The following PREPL variants were observed in gnomAD, a reference collection of about 807,000 sequenced individuals.
The protein encoded by PREPL is prolyl endopeptidase like.
A neutral mutation model predicts 70.6 loss-of-function variants in PREPL; 77 were observed. That is an observed-to-expected ratio of 1.09 (90% confidence interval 0.91 to 1.32). The LOEUF is 1.32. Among genes scored for constraint, PREPL ranks in the 40% most tolerant of loss-of-function variants. PREPL has a pLI of 0.00. For missense variants in PREPL, 1,002 were observed against 778.2 expected, an observed-to-expected ratio of 1.29 and a Z score of -3.42; for synonymous variants, 315 against 264.8, an observed-to-expected ratio of 1.19 and a Z score of -1.84.
intron 7 of PREPL, among the ~76,000 whole-genome samples, chr2:44,335,926 C>T (rs1336884051): frequency 6.6e-6 from 1 of 151,904 alleles, no homozygotes; most frequent in Non-Finnish European, 1.5e-5. Context: ...AGAAGACATA[C>T]ATGCAGCCAA....
intron 7 of PREPL, 29 bp from the exon 8 acceptor site, chr2:44,332,685 C>A (rs1285164129): frequency 6.5e-7 from 1 of 1,536,892 alleles, no homozygotes. Context: ...TATTTTTATT[C>A]TTTATTTAGG....
At chr2:44,327,661 G>C (rs920823443) in intron 9 of PREPL, among the ~76,000 whole-genome samples, 5 of 152,024 alleles carry the variant, frequency 3.3e-5, no homozygotes, top group African/African-American at 4.8e-5. Flanking sequence ...AGGAGTTTGA[G>C]ACCAGACTGG....
intron 10 of PREPL, 87 bp downstream of exon 10, chr2:44,326,625 G>A (rs546747812): frequency 7.3e-7 from 1 of 1,378,232 alleles, no homozygotes; most frequent in African/African-American, 1.4e-5. Flanking sequence ...ATGAGCCGCT[G>A]TGCCAGCCCA....
At chr2:44,322,995 T>G in intron 11 of PREPL, 141 bp from the exon 12 acceptor site, 1 of 1,189,230 alleles carries the variant, frequency 8.4e-7, no homozygotes, top group Non-Finnish European at 1.2e-6. Context: ...TGAGAGCGCC[T>G]CAGTATTACA....
Position 44,322,816 on chromosome 2 carries a change from A to G in PREPL, c.1668T>C (p.Asp556=). 1.2e-6 allele frequency: 2 copies of G among 1,613,836 alleles called. No individual in the cohort carries two copies. The highest frequency in any genetic ancestry group is 1.7e-6 in the Non-Finnish European group (2 of 1,179,770). ...PSIHITAYEN[D]ERVPLKGIVS... Reference sequence around the variant, plus strand: ...CAATTCCTTTCAGAGGTACCCGTTCATCGTTTTCATATGCCGTTATGTGAA... The same window carrying G: ...CAATTCCTTTCAGAGGTACCCGTTCGTCGTTTTCATATGCCGTTATGTGAA... The change falls in exon 12 of 14, where the codon GAT becomes GAC. Residue 556 remains aspartate (D), a synonymous_variant. Transcript: ENST00000409411.
chr2:44,325,299 A>G (rs1228213880), intron 10 of PREPL, among the ~76,000 whole-genome samples: 1 of 152,226 alleles, frequency 6.6e-6, no homozygotes, highest in East Asian at 1.9e-4. Context: ...TATTCTGGCA[A>G]AAGTGCCACA....
rs774861444 is a variant in PREPL at position 44,320,464 on chromosome 2, A to T, written c.*892T>A. On this transcript the variant is annotated 3_prime_UTR_variant, in exon 14 of 14. Transcript: ENST00000409411. Reference sequence around the variant, plus strand: ...ATAAGGTTAAGTACCAATTCTGCCGACAAAGGCAGTAAAGTTGATACAAGT... The same window carrying T: ...ATAAGGTTAAGTACCAATTCTGCCGTCAAAGGCAGTAAAGTTGATACAAGT... 5.6e-6 allele frequency: 9 copies of T among 1,614,180 alleles called. 1 individual carries two copies. The South Asian group carries it at 9.9e-5, about 18-fold the overall frequency.
chr2:44,337,951 A>G (rs1426681498), intron 7 of PREPL, among the ~76,000 whole-genome samples: 1 of 152,248 alleles, frequency 6.6e-6, no homozygotes, highest in Non-Finnish European at 1.5e-5. Context: ...AACACAGTGG[A>G]TACCACTACT....
chr2:44,329,803 G>A (rs77873426), intron 8 of PREPL, among the ~76,000 whole-genome samples: 8,252 of 152,232 alleles, frequency 0.054, 729 homozygotes, highest in African/African-American at 0.19. Flanking sequence ...AAACTCATCA[G>A]TTCCAGTTGA....
At chr2:44,348,979 T>C (rs1326996793) in intron 1 of PREPL, among the ~76,000 whole-genome samples, 1 of 152,200 alleles carries the variant, frequency 6.6e-6, no homozygotes, top group Admixed American at 6.5e-5. Flanking sequence ...AGGCATATAC[T>C]ACCCAATGGA....
chr2:44,332,758 T>C (rs1674249995), intron 7 of PREPL, 102 bp from the exon 8 acceptor site: 1 of 967,052 alleles, frequency 1.0e-6, no homozygotes, highest in Non-Finnish European at 1.5e-6. Flanking sequence ...GGATATCTCG[T>C]TTACTTTTTG....
chr2:44,352,640 T>C (rs1277154754), intron 1 of PREPL, among the ~76,000 whole-genome samples: 1 of 152,244 alleles, frequency 6.6e-6, no homozygotes, highest in Admixed American at 6.5e-5. Context: ...TTTTTGTTTA[T>C]TTTGTTCAGT....
At position 44,351,007 on chromosome 2, in the gene PREPL, C is replaced by T. The variant is rs577297095; in HGVS notation, c.-48-4617G>A. Among the ~76,000 whole-genome samples, 151 of 151,716 alleles carry T rather than the reference C, an allele frequency of 1.0e-3. 1 individual carries two copies. Among genetic ancestry groups the T allele is most frequent in the African/African-American group, 3.6e-3 (150 of 41,370 alleles). ...ATGGGATTTCGGCTCCCTGCAACCT[C>T]TGCCTCCTGGGTTCAAGCGATTCTC... On this transcript the variant is annotated intron_variant, in intron 1 of 13. Transcript: ENST00000409411.
At chr2:44,332,346 T>C in intron 8 of PREPL, 113 bp downstream of exon 8, 1 of 931,602 alleles carries the variant, frequency 1.1e-6, no homozygotes, top group Non-Finnish European at 1.6e-6. Flanking sequence ...TACTGTGGTC[T>C]AAGAAATCTA....
Position 44,346,251 on chromosome 2 carries a change from G to C in PREPL, c.75+17C>G, listed in dbSNP as rs375409764. 896 of 1,596,780 alleles carry C rather than the reference G, an allele frequency of 5.6e-4. 4 individuals carry two copies. Among genetic ancestry groups the C allele is most frequent in the South Asian group, 1.3e-3 (116 of 87,714 alleles). On this transcript the variant is annotated intron_variant, in intron 2 of 13. Coordinates refer to ENST00000409411, the MANE Select transcript of PREPL (RefSeq NM_001171613.2). ...GTAATATCAAAAATTTTTTTTTAAAGACATGAGATATCTTACTTCCACATT... is the reference window on the plus strand; with the variant it reads ...GTAATATCAAAAATTTTTTTTTAAACACATGAGATATCTTACTTCCACATT...
chr2:44,330,826 T>C (rs1674014262), intron 8 of PREPL, among the ~76,000 whole-genome samples: 1 of 152,228 alleles, frequency 6.6e-6, no homozygotes, highest in African/African-American at 2.4e-5. Context: ...ATTCTGTATA[T>C]TGAGTATACC....
In PREPL at chr2:44,339,379, G is replaced by A. The variant is rs1458404614; in HGVS notation, c.486-16C>T. 4 of 1,562,972 alleles carry A rather than the reference G, an allele frequency of 2.6e-6. No individual in the cohort carries two copies. Among genetic ancestry groups the A allele is most frequent in the Non-Finnish European group, 3.5e-6 (4 of 1,140,558 alleles). ...AACAAAGTAGCTAGAGAGAGAGAGA[G>A]AGACATGAGATCACAGTTTATTTCA... is the stretch of plus-strand genomic sequence containing the variant. On this transcript the variant is annotated splice_polypyrimidine_tract_variant and intron_variant, in intron 5 of 13. Coordinates refer to ENST00000409411, the MANE Select transcript of PREPL (RefSeq NM_001171613.2).
intron 1 of PREPL, among the ~76,000 whole-genome samples, chr2:44,353,938 A>G (rs1676729262): frequency 6.6e-6 from 1 of 152,122 alleles, no homozygotes; most frequent in African/African-American, 2.4e-5. Context: ...AGGCAGGAGG[A>G]TTACTTGAGC....
chr2:44,346,641 C>T (rs1469747563), intron 1 of PREPL, among the ~76,000 whole-genome samples: 4 of 151,802 alleles, frequency 2.6e-5, no homozygotes, highest in Non-Finnish European at 5.9e-5. Context: ...ATGAATAAGT[C>T]CTTAAGAAGC....
Sources: allele counts gnomAD v4.1 joint callset (sites outside exome capture counted in the v4.1 genomes callset), GRCh38; gene constraint gnomAD v4.1.1; transcripts MANE v1.5; gene names NCBI Gene and HGNC (gene_info 2026-07-23, HGNC 2026-07-21).